Variants in SPOCK1 observed in about 807,000 individuals in gnomAD.
The protein encoded by SPOCK1 is testican-1.
A neutral mutation model predicts 55.3 loss-of-function variants in SPOCK1; 23 were observed. That is an observed-to-expected ratio of 0.42 (90% confidence interval 0.30 to 0.59). The LOEUF (loss-of-function observed/expected upper bound fraction) is 0.59, where lower values mean the gene tolerates loss of function less well. SPOCK1 is among the 20% of genes least tolerant of loss of function. The probability of loss-of-function intolerance (pLI) is 0.22; values close to 1 mark genes in which losing one functional copy is unlikely to be tolerated. For missense variants in SPOCK1, 499 were observed against 552.5 expected, an observed-to-expected ratio of 0.90 and a Z score of 0.97; for synonymous variants, 226 against 221.0, an observed-to-expected ratio of 1.02 and a Z score of -0.20.
At chr5:137,419,838 G>T (rs1371931586) in intron 2 of SPOCK1, among the ~76,000 whole-genome samples, 1 of 152,154 alleles carries the variant, frequency 6.6e-6, no homozygotes, top group African/African-American at 2.4e-5. Flanking sequence ...CCAACACTAT[G>T]TTGAATAGGA....
chr5:137,352,752 T>C (rs1033683559), intron 2 of SPOCK1, among the ~76,000 whole-genome samples: 10 of 152,182 alleles, frequency 6.6e-5, no homozygotes, highest in Non-Finnish European at 1.2e-4. Context: ...CATGCAGTCA[T>C]AGACCTTGAT....
chr5:137,335,499 T>C, intron 2 of SPOCK1, among the ~76,000 whole-genome samples: 1 of 152,250 alleles, frequency 6.6e-6, no homozygotes, highest in East Asian at 1.9e-4. Flanking sequence ...AAATTGATGC[T>C]GTAATTTAGT....
intron 2 of SPOCK1, among the ~76,000 whole-genome samples, chr5:137,492,322 G>A (rs995157172): frequency 3.9e-5 from 6 of 152,146 alleles, no homozygotes; most frequent in East Asian, 1.9e-4. Context: ...TGGCACTATC[G>A]AGAACATGAA....
At chr5:137,051,612 T>G (rs1752209878) in intron 6 of SPOCK1, among the ~76,000 whole-genome samples, 1 of 152,104 alleles carries the variant, frequency 6.6e-6, no homozygotes, top group African/African-American at 2.4e-5. Context: ...GAAACCACTG[T>G]TAAAAACAAA....
chr5:137,034,303 AC>A (rs1158090168), intron 6 of SPOCK1, among the ~76,000 whole-genome samples: 1 of 152,116 alleles, frequency 6.6e-6, no homozygotes, highest in Admixed American at 6.5e-5. Flanking sequence ...GGAAATCTCC[AC>A]CCACTTATTG....
At chr5:137,452,837 C>A (rs1753284146) in intron 2 of SPOCK1, among the ~76,000 whole-genome samples, 1 of 152,164 alleles carries the variant, frequency 6.6e-6, no homozygotes, top group Admixed American at 6.6e-5. Flanking sequence ...GATGTAAATT[C>A]TCAAGAAATA....
intron 2 of SPOCK1, among the ~76,000 whole-genome samples, chr5:137,311,434 T>C (rs1015128700): frequency 6.6e-6 from 1 of 152,254 alleles, no homozygotes; most frequent in East Asian, 1.9e-4. Flanking sequence ...CTGTCTTGGA[T>C]ACCTTACAAA....
intron 2 of SPOCK1, among the ~76,000 whole-genome samples, chr5:137,420,600 T>G (rs569405348): frequency 6.6e-6 from 1 of 152,352 alleles, no homozygotes; most frequent in East Asian, 1.9e-4. Flanking sequence ...TGTTATAGTA[T>G]TCTCTGATGG....
At chr5:137,126,506 T>A (rs1365130068) in intron 4 of SPOCK1, among the ~76,000 whole-genome samples, 1 of 152,228 alleles carries the variant, frequency 6.6e-6, no homozygotes, top group Non-Finnish European at 1.5e-5. Flanking sequence ...CTCACACCTA[T>A]AATCCCAGCA....
intron 2 of SPOCK1, among the ~76,000 whole-genome samples, chr5:137,300,666 G>A (rs1037274340): frequency 6.0e-5 from 9 of 150,390 alleles, no homozygotes; most frequent in Non-Finnish European, 8.8e-5. Context: ...TCAGAGGGCC[G>A]CCAATAACTT....
At chr5:137,014,534 G>C (rs982560191) in intron 6 of SPOCK1, among the ~76,000 whole-genome samples, 5 of 152,142 alleles carry the variant, frequency 3.3e-5, no homozygotes, top group African/African-American at 1.2e-4. Flanking sequence ...TTCAAAAAGT[G>C]CCCTTAGACA....
chr5:137,334,175 T>A (rs557918025), intron 2 of SPOCK1, among the ~76,000 whole-genome samples: 1 of 152,180 alleles, frequency 6.6e-6, no homozygotes, highest in Non-Finnish European at 1.5e-5. Flanking sequence ...GAGACAGACT[T>A]GCCTCAAAAC....
At chr5:137,491,621 G>C (rs1754180517) in intron 2 of SPOCK1, among the ~76,000 whole-genome samples, 1 of 152,202 alleles carries the variant, frequency 6.6e-6, no homozygotes, top group African/African-American at 2.4e-5. Context: ...GTGAGGTCCT[G>C]GCTTAGAGAT....
chr5:137,142,876 G>A (rs1055994398), intron 3 of SPOCK1, among the ~76,000 whole-genome samples: 3 of 152,230 alleles, frequency 2.0e-5, no homozygotes, highest in Non-Finnish European at 4.4e-5. Flanking sequence ...CCCTGGGGCT[G>A]CAGCTCAGCC....
rs1474042567 is a variant in SPOCK1 at position 137,248,511 on chromosome 5, T to C, written c.232+18499A>G. 2.0e-5 allele frequency among the ~76,000 whole-genome samples: 3 copies of C among 152,182 alleles called. No individual in the cohort carries two copies. In the East Asian group the frequency reaches 5.8e-4, roughly 29 times the overall value. On this transcript the variant is annotated intron_variant, in intron 3 of 10. Transcript: ENST00000394945. ...TCTGTGGCTCCCTCAGAACCATTCA[T>C]TGATCTCTATCATGCAGTAAATTAA...
intron 2 of SPOCK1, among the ~76,000 whole-genome samples, chr5:137,369,896 A>G (rs1434673444): frequency 1.3e-5 from 2 of 152,106 alleles, no homozygotes; most frequent in African/African-American, 4.8e-5. Flanking sequence ...CAAAGGCCCC[A>G]TCTCCAAATA....
intron 2 of SPOCK1, among the ~76,000 whole-genome samples, chr5:137,413,222 G>A (rs972565562): frequency 9.2e-5 from 14 of 151,980 alleles, no homozygotes; most frequent in South Asian, 2.1e-4. Flanking sequence ...TTGACTCTTC[G>A]TCTATTTTGG....
At chr5:137,487,436 A>G (rs183334512) in intron 2 of SPOCK1, among the ~76,000 whole-genome samples, 1 of 151,902 alleles carries the variant, frequency 6.6e-6, no homozygotes, top group African/African-American at 2.4e-5. Context: ...TGTGTCTCAG[A>G]CTCCCTCTGT....
rs967852450 is a variant in SPOCK1 at position 137,197,360 on chromosome 5, G to C, written c.233-56666C>G. ...GGAGCAGAACTATGAATTCTGCTTTGAAAGGAAGCAGAACTATGAATTCCA... is the reference window on the plus strand; with the variant it reads ...GGAGCAGAACTATGAATTCTGCTTTCAAAGGAAGCAGAACTATGAATTCCA... On this transcript the variant is annotated intron_variant, in intron 3 of 10. Transcript: ENST00000394945. 3.9e-5 allele frequency among the ~76,000 whole-genome samples: 6 copies of C among 152,182 alleles called. No individual in the cohort carries two copies. In the South Asian group the frequency reaches 8.3e-4, roughly 21 times the overall value.
Sources: allele counts gnomAD v4.1 joint callset (sites outside exome capture counted in the v4.1 genomes callset), GRCh38; gene constraint gnomAD v4.1.1; transcripts MANE v1.5; gene names NCBI Gene and HGNC (gene_info 2026-07-23, HGNC 2026-07-21).